The following CACNA1A variants were observed in gnomAD, a reference collection of about 807,000 sequenced individuals.
CACNA1A encodes voltage-dependent P/Q-type calcium channel subunit alpha-1A.
A neutral mutation model predicts 262.4 loss-of-function variants in CACNA1A; 57 were observed. The ratio of observed to expected loss-of-function variants is 0.22; its 90% CI spans 0.18 to 0.27. The LOEUF is 0.27. CACNA1A is among the 10% of genes least tolerant of loss of function. CACNA1A has a pLI of 1.00. For synonymous variants in CACNA1A, 1,431 were observed against 1,419.3 expected (o/e 1.01, Z -0.18); for missense variants, 2,526 against 3,562.8 (o/e 0.71, Z 7.41).
At chr19:13,482,710 T>TGGG (rs1979479655) in intron 1 of CACNA1A, among the ~76,000 whole-genome samples, 4 of 152,142 alleles carry the variant, frequency 2.6e-5, no homozygotes. Flanking sequence ...GACTGTCACA[T>TGGG]GGGGGGCTGA....
chr19:13,333,746 C>T (rs973032553), intron 8 of CACNA1A: 12 of 152,428 alleles, frequency 7.9e-5, no homozygotes, highest in African/African-American at 2.6e-4. Flanking sequence ...ACTTCCTACT[C>T]TGTTTTATCT....
chr19:13,378,746 T>TCCC (rs200992745), intron 3 of CACNA1A, among the ~76,000 whole-genome samples: 55 of 151,216 alleles, frequency 3.6e-4, no homozygotes, highest in South Asian at 2.1e-4. Context: ...CACTGCAATC[T>TCCC]CCCCCCCGCC....
At chr19:13,360,721 G>A (rs927133310) in intron 5 of CACNA1A, among the ~76,000 whole-genome samples, 6 of 152,122 alleles carry the variant, frequency 3.9e-5, no homozygotes, top group African/African-American at 7.2e-5. Flanking sequence ...CAAGTGATCC[G>A]CCCGCCTCGG....
chr19:13,412,818 T>TA (rs1263574836), intron 3 of CACNA1A, among the ~76,000 whole-genome samples: 1 of 152,132 alleles, frequency 6.6e-6, no homozygotes, highest in Non-Finnish European at 1.5e-5. Context: ...AATAAATATT[T>TA]AAAAAATAAC....
intron 1 of CACNA1A, among the ~76,000 whole-genome samples, chr19:13,494,961 ATC>A (rs1438049927): frequency 1.3e-5 from 2 of 152,124 alleles, no homozygotes; most frequent in African/African-American, 4.8e-5. Flanking sequence ...GTAATCTGTA[ATC>A]TCTGACTAGT....
intron 3 of CACNA1A, among the ~76,000 whole-genome samples, chr19:13,448,267 A>C (rs1022226954): frequency 3.9e-5 from 6 of 152,130 alleles, no homozygotes; most frequent in African/African-American, 1.4e-4. Context: ...CAGAAAACCA[A>C]ATACTGCGTG....
chr19:13,271,211 G>GTTTT, intron 24 of CACNA1A: 2 of 106,266 alleles, frequency 1.9e-5, no homozygotes, highest in African/African-American at 7.4e-5. Context: ...GAATCATTCT[G>GTTTT]CTGTTTTTTT....
chr19:13,411,222 T>A (rs905341282), intron 3 of CACNA1A, among the ~76,000 whole-genome samples: 6 of 152,230 alleles, frequency 3.9e-5, no homozygotes, highest in African/African-American at 1.4e-4. Context: ...GTTCCTAATC[T>A]GCCCACCTAG....
chr19:13,435,634 A>C (rs1028214672), intron 3 of CACNA1A, among the ~76,000 whole-genome samples: 10 of 152,022 alleles, frequency 6.6e-5, no homozygotes, highest in African/African-American at 2.2e-4. Flanking sequence ...AAATGAGATA[A>C]TTTACTCAAG....
intron 29 of CACNA1A, among the ~76,000 whole-genome samples, chr19:13,253,649 G>C (rs2144728932): frequency 6.6e-6 from 1 of 151,994 alleles, no homozygotes; most frequent in African/African-American, 2.4e-5. Context: ...GTTTCACCGT[G>C]TTAGCCAGGA....
At chr19:13,446,907 T>C (rs1011513442) in intron 3 of CACNA1A, among the ~76,000 whole-genome samples, 1 of 152,080 alleles carries the variant, frequency 6.6e-6, no homozygotes, top group Non-Finnish European at 1.5e-5. Context: ...AATGTTTTAC[T>C]TTCCCCTCCC....
intron 19 of CACNA1A, among the ~76,000 whole-genome samples, chr19:13,297,804 T>C (rs776125068): frequency 5.0e-4 from 76 of 151,354 alleles, no homozygotes; most frequent in Non-Finnish European, 9.6e-4. Flanking sequence ...GGCGAGACCC[T>C]GTGTCAAAAA....
chr19:13,266,284 G>C (rs528327327), intron 24 of CACNA1A, among the ~76,000 whole-genome samples: 15 of 151,896 alleles, frequency 9.9e-5, no homozygotes, highest in Non-Finnish European at 1.9e-4. Context: ...ATAGCTCACC[G>C]CAGCCTCCAA....
chr19:13,277,800 G>C (rs899559749), intron 22 of CACNA1A: 1 of 152,886 alleles, frequency 6.5e-6, no homozygotes, highest in African/African-American at 2.4e-5. Context: ...ACATGGGGTG[G>C]ACACCGGCTG....
chr19:13,318,409 T>C (rs569189412), intron 10 of CACNA1A, among the ~76,000 whole-genome samples: 31 of 152,222 alleles, frequency 2.0e-4, no homozygotes, highest in Non-Finnish European at 4.0e-4. Context: ...AGGCAGATCA[T>C]GCATGGCCTG....
chr19:13,356,786 C>G (rs1486890997), intron 6 of CACNA1A, among the ~76,000 whole-genome samples: 1 of 152,204 alleles, frequency 6.6e-6, no homozygotes, highest in East Asian at 1.9e-4. Flanking sequence ...TCCTCTCACA[C>G]CAGCCTTGCA....
chr19:13,320,672 C>T (rs2419248), intron 10 of CACNA1A, among the ~76,000 whole-genome samples: 45,300 of 151,854 alleles, frequency 0.3, 7,063 homozygotes, highest in East Asian at 0.44. Context: ...CCATGCTAGG[C>T]ACTGTCACTT....
At chr19:13,227,940 GTCTC>G (rs147481169) in intron 36 of CACNA1A, among the ~76,000 whole-genome samples, 1 of 132,464 alleles carries the variant, frequency 7.5e-6, no homozygotes, top group Non-Finnish European at 1.5e-5. Flanking sequence ...AAGAGACAGG[GTCTC>G]TCTCTGTCGC....
At chr19:13,300,034 G>A (rs569824054) in intron 18 of CACNA1A, among the ~76,000 whole-genome samples, 2 of 152,174 alleles carry the variant, frequency 1.3e-5, no homozygotes, top group Non-Finnish European at 2.9e-5. Context: ...AGCTCAGGCG[G>A]TAATGCTTGC....
Sources: gnomAD v4.1 joint callset for allele counts (sites outside exome capture counted in the v4.1 genomes callset) on GRCh38, gnomAD v4.1.1 for gene constraint, MANE v1.5 for transcripts, NCBI Gene and HGNC (gene_info 2026-07-23, HGNC 2026-07-21) for gene names.